MS4A18: variants seen among roughly 807,000 people sequenced by gnomAD.
MS4A18 encodes the protein membrane spanning 4-domains A18.
Under a neutral mutation model 13.1 loss-of-function variants are expected in MS4A18, and 27 were observed. The ratio of observed to expected loss-of-function variants is 2.06; its 90% CI spans 1.52 to 2.84. The LOEUF is 2.84. Among genes scored for constraint, MS4A18 ranks in the 30% most tolerant of loss-of-function variants. The probability of loss-of-function intolerance (pLI) is 0.00; values close to 1 mark genes in which losing one functional copy is unlikely to be tolerated. For missense variants in MS4A18, 307 were observed against 196.4 expected (o/e 1.56, Z -3.37); for synonymous variants, 126 against 76.5 (o/e 1.65, Z -3.38).
At chr11:60,740,196 C>A (rs925642541) in intron 4 of MS4A18, among the ~76,000 whole-genome samples, 2 of 152,214 alleles carry the variant, frequency 1.3e-5, no homozygotes, top group African/African-American at 4.8e-5. Flanking sequence ...AAGGAGCATA[C>A]TAGTGCAGTG....
exon 6 of MS4A18, chr11:60,744,149 T>C (rs972619500): frequency 1.7e-6 from 1 of 588,960 alleles, no homozygotes; most frequent in Non-Finnish European, 3.0e-6. Context: ...TCCTCTTCAC[T>C]CCTAAGCTTC....
At chr11:60,734,898 C>T (rs1030582760) in intron 2 of MS4A18, among the ~76,000 whole-genome samples, 6 of 151,450 alleles carry the variant, frequency 4.0e-5, no homozygotes, top group African/African-American at 1.2e-4. Flanking sequence ...TCTCCTGTGT[C>T]GGCCTCCCGA....
Position 60,742,442 on chromosome 11 carries a change from C to G in MS4A18, c.859-1208C>G, listed in dbSNP as rs113479443. On this transcript the variant is annotated intron_variant, in intron 5 of 5. Transcript: ENST00000529108. ...TTATGTATCAGATTATGGCTTTCAC[C>G]ATCTGATAAAAGCCACACCTAAGAC... 6.7e-3 allele frequency among the ~76,000 whole-genome samples: 1,014 copies of G among 152,230 alleles called. 8 individuals carry two copies. The highest frequency in any genetic ancestry group is 0.023 in the African/African-American group (969 of 41,536).
chr11:60,743,799 C>T, exon 6 of MS4A18: 1 of 699,974 alleles, frequency 1.4e-6, no homozygotes, highest in African/African-American at 1.8e-5. Flanking sequence ...ACCCTGTCAA[C>T]ACCACCACCA....
At chr11:60,737,705 C>T (rs575311014) in intron 3 of MS4A18, among the ~76,000 whole-genome samples, 1 of 152,304 alleles carries the variant, frequency 6.6e-6, no homozygotes, top group East Asian at 1.9e-4. Flanking sequence ...TGGCCCTTCT[C>T]TCATCTCCTT....
chr11:60,733,436 C>G, intron 1 of MS4A18, 98 bp from the exon 3 acceptor site: 1 of 691,272 alleles, frequency 1.4e-6, no homozygotes, highest in Non-Finnish European at 2.6e-6. Flanking sequence ...CCAATCACCC[C>G]TGGGGTGATT....
At position 60,743,992 on chromosome 11, in the gene MS4A18, T is replaced by C. The variant is rs865972460; in HGVS notation, c.1201T>C (p.Ter401GlnextTer15). ...ACCCCCGAACCCTCGTACCAAGAAA[T>C]AGCTGATTTGCACAGAGATAGATGA... The change falls in exon 6 of 6, where the codon TAG becomes CAG. Residue 401 changes from the stop codon to glutamine (Q), a stop_lost. Transcript: ENST00000529108. 58 of 701,258 alleles carry C rather than the reference T, an allele frequency of 8.3e-5. No individual in the cohort carries two copies. In the African/African-American group the frequency reaches 8.5e-4, roughly 10 times the overall value. 43.4% of individuals were successfully genotyped at this position (701,258 alleles called of 1,614,324 possible).
intron 1 of MS4A18, among the ~76,000 whole-genome samples, chr11:60,730,891 G>C (rs577792341): frequency 6.6e-6 from 1 of 152,286 alleles, no homozygotes; most frequent in East Asian, 1.9e-4. Context: ...TCAGGAAATC[G>C]AGACCATCCT....
At chr11:60,737,856 A>G (rs1269175631) in intron 3 of MS4A18, among the ~76,000 whole-genome samples, 1 of 152,156 alleles carries the variant, frequency 6.6e-6, no homozygotes, top group African/African-American at 2.4e-5. Flanking sequence ...TCCAGTCTGC[A>G]AGGCAAACTC....
At chr11:60,742,548 T>C (rs1853426383) in intron 5 of MS4A18, among the ~76,000 whole-genome samples, 1 of 152,234 alleles carries the variant, frequency 6.6e-6, no homozygotes, top group Admixed American at 6.5e-5. Context: ...TACCTTTAGA[T>C]TCTTAGAAGC....
At chr11:60,725,816 C>T (rs1180322180), upstream of MS4A18, among the ~76,000 whole-genome samples, 1 of 151,914 alleles carries the variant, frequency 6.6e-6, no homozygotes, top group East Asian at 1.9e-4. Flanking sequence ...AGAGTTTGCC[C>T]GAGAAATGGT....
chr11:60,737,749 T>C (rs1853362082), intron 3 of MS4A18, among the ~76,000 whole-genome samples: 1 of 152,180 alleles, frequency 6.6e-6, no homozygotes, highest in Non-Finnish European at 1.5e-5. Flanking sequence ...CTCCACTTTC[T>C]CTGTATGGCT....
chr11:60,724,773 A>G (rs371056484), upstream of MS4A18, among the ~76,000 whole-genome samples: 4 of 152,228 alleles, frequency 2.6e-5, no homozygotes, highest in African/African-American at 9.6e-5. Context: ...AAGAGCATCC[A>G]AAGACTTCCC....
At chr11:60,741,285 C>A in intron 5 of MS4A18, 142 bp downstream of exon 6, 1 of 658,988 alleles carries the variant, frequency 1.5e-6, no homozygotes, top group Non-Finnish European at 2.8e-6. Context: ...CTACCTACCC[C>A]AGAACTTAGT....
chr11:60,737,773 C>A (rs1024020617), intron 3 of MS4A18, among the ~76,000 whole-genome samples: 4 of 152,198 alleles, frequency 2.6e-5, no homozygotes, highest in Non-Finnish European at 5.9e-5. Flanking sequence ...CGTCTTTCTT[C>A]TGCCTTTTGA....
chr11:60,741,180 C>G (rs963011571), intron 5 of MS4A18, 37 bp downstream of exon 6: 1 of 702,962 alleles, frequency 1.4e-6, no homozygotes, highest in Non-Finnish European at 2.6e-6. Flanking sequence ...TCAGATCATG[C>G]TCTGGAGTTG....
At chr11:60,735,382 G>A (rs1249796607) in intron 2 of MS4A18, among the ~76,000 whole-genome samples, 1 of 147,862 alleles carries the variant, frequency 6.8e-6, no homozygotes, top group Non-Finnish European at 1.5e-5. Context: ...CGCCCAGGCT[G>A]GAGTGCAGTG....
In MS4A18 at chr11:60,739,366, G is replaced by A. The variant is rs556231574; in HGVS notation, c.744+369G>A. 5.3e-5 allele frequency among the ~76,000 whole-genome samples: 8 copies of A among 152,248 alleles called. No homozygotes were observed. In the South Asian group the frequency reaches 1.7e-3, roughly 32 times the overall value. ...GGATAGCCTTTCACACAAACAGGAG[G>A]TGCGGATGCTAGTTCTGGTCTTTTG... On this transcript the variant is annotated intron_variant, in intron 4 of 5. Transcript: ENST00000529108.
At chr11:60,733,787 C>T (rs1283942151) in intron 2 of MS4A18, 140 bp downstream of exon 3, 4 of 657,858 alleles carry the variant, frequency 6.1e-6, no homozygotes, top group African/African-American at 1.8e-5. Flanking sequence ...GCAGATACAG[C>T]AAAGGGTTAT....
Sources: allele counts gnomAD v4.1 joint callset (sites outside exome capture counted in the v4.1 genomes callset), GRCh38; gene constraint gnomAD v4.1.1; transcripts MANE v1.5; gene names NCBI Gene and HGNC (gene_info 2026-07-23, HGNC 2026-07-21).